SESTD1: variants seen among roughly 807,000 people sequenced by gnomAD.
SESTD1 encodes the protein SEC14 domain and spectrin repeat-containing protein 1.
A neutral mutation model predicts 101.7 loss-of-function variants in SESTD1; 43 were observed. The observed-to-expected ratio is 0.42, with a 90% CI of 0.33 to 0.55. The LOEUF is 0.55. Among genes scored for constraint, SESTD1 ranks in the 20% least tolerant of loss-of-function variants. The pLI is 0.07. For missense variants in SESTD1, 647 were observed against 815.1 expected, an observed-to-expected ratio of 0.79 and a Z score of 2.51; for synonymous variants, 283 against 286.8, an observed-to-expected ratio of 0.99 and a Z score of 0.13.
chr2:179,189,941 T>C, intron 2 of SESTD1, among the ~76,000 whole-genome samples: 1 of 151,864 alleles, frequency 6.6e-6, no homozygotes, highest in Non-Finnish European at 1.5e-5. Context: ...GGAAAAACAT[T>C]CCATCGTCAT....
intron 1 of SESTD1, among the ~76,000 whole-genome samples, chr2:179,255,914 C>T (rs1398456518): frequency 1.3e-5 from 2 of 152,136 alleles, no homozygotes; most frequent in Non-Finnish European, 2.9e-5. Flanking sequence ...GAAATCTACT[C>T]AGTCTGTTCT....
intron 1 of SESTD1, among the ~76,000 whole-genome samples, chr2:179,238,796 G>T (rs1418729505): frequency 6.6e-6 from 1 of 151,980 alleles, no homozygotes; most frequent in Admixed American, 6.5e-5. Flanking sequence ...AAAGTTAATT[G>T]AATTCTTATC....
intron 2 of SESTD1, among the ~76,000 whole-genome samples, chr2:179,184,895 T>A (rs2046184102): frequency 6.6e-6 from 1 of 151,982 alleles, no homozygotes; most frequent in Non-Finnish European, 1.5e-5. Context: ...TCAGGGACAA[T>A]AAAATAATCA....
intron 1 of SESTD1, among the ~76,000 whole-genome samples, chr2:179,229,010 A>G (rs1241857174): frequency 3.2e-4 from 49 of 152,310 alleles, no homozygotes; most frequent in Middle Eastern, 3.4e-3. Flanking sequence ...ATCCTCAAGA[A>G]GACCACTCAT....
intron 6 of SESTD1, among the ~76,000 whole-genome samples, chr2:179,150,213 G>A (rs1311186285): frequency 6.6e-6 from 1 of 152,140 alleles, no homozygotes; most frequent in African/African-American, 2.4e-5. Context: ...GTGAGACCCT[G>A]TCTCTAAATA....
intron 15 of SESTD1, 39 bp from the exon 16 acceptor site, chr2:179,115,295 A>G: frequency 6.8e-7 from 1 of 1,474,042 alleles, no homozygotes; most frequent in East Asian, 2.4e-5. Flanking sequence ...TAATAAAAGA[A>G]TTCTTAAGAG....
At position 179,118,200 on chromosome 2, in the gene SESTD1, G is replaced by C. The variant is rs1032477328; in HGVS notation, c.1443-587C>G. Among the ~76,000 whole-genome samples, 7 of 152,082 alleles carry C rather than the reference G, an allele frequency of 4.6e-5. No homozygotes were observed. In the South Asian group the frequency reaches 8.3e-4, roughly 18 times the overall value. ...AGTACCTAAAATAATATTTAATTCT[G>C]ATTTTTTTTAAAACCCTCCATCTAC... On this transcript the variant is annotated intron_variant, in intron 13 of 17. Transcript: ENST00000428443.
chr2:179,206,349 GAA>G (rs2046591118), intron 1 of SESTD1, among the ~76,000 whole-genome samples: 1 of 136,478 alleles, frequency 7.3e-6, no homozygotes, highest in Non-Finnish European at 1.6e-5. Context: ...GTGAGAGGGG[GAA>G]AAGTCAGCCT....
At chr2:179,196,072 A>G (rs1176145027) in intron 1 of SESTD1, among the ~76,000 whole-genome samples, 2 of 152,204 alleles carry the variant, frequency 1.3e-5, no homozygotes, top group Non-Finnish European at 2.9e-5. Flanking sequence ...GGAAGGCCAG[A>G]CAGTGGGCGC....
intron 1 of SESTD1, among the ~76,000 whole-genome samples, chr2:179,233,767 T>C (rs1184230185): frequency 6.6e-6 from 1 of 152,226 alleles, no homozygotes; most frequent in African/African-American, 2.4e-5. Flanking sequence ...TCATAGTTTT[T>C]ATACAGAGAT....
intron 5 of SESTD1, 124 bp downstream of exon 5, chr2:179,171,982 ATACTAATTATTACT>A: frequency 2.1e-6 from 1 of 486,806 alleles, no homozygotes. Flanking sequence ...TGCTGACCAT[ATACTAATTATTACT>A]TAGGCACTAA....
At chr2:179,163,956 C>G (rs2105465774) in intron 5 of SESTD1, among the ~76,000 whole-genome samples, 1 of 152,194 alleles carries the variant, frequency 6.6e-6, no homozygotes, top group South Asian at 2.1e-4. Context: ...TAAAACATTC[C>G]CCAAAAACCT....
intron 1 of SESTD1, among the ~76,000 whole-genome samples, chr2:179,261,274 A>T (rs1484529873): frequency 6.6e-6 from 1 of 152,004 alleles, no homozygotes; most frequent in African/African-American, 2.4e-5. Flanking sequence ...GTTTGGTTTG[A>T]TTTTTTTTAT....
At chr2:179,162,084 C>T (rs1225086453) in intron 5 of SESTD1, among the ~76,000 whole-genome samples, 1 of 152,048 alleles carries the variant, frequency 6.6e-6, no homozygotes, top group Non-Finnish European at 1.5e-5. Flanking sequence ...TTATCAGTGA[C>T]TCTTATGGTT....
At chr2:179,183,893 C>T (rs919740746) in intron 2 of SESTD1, among the ~76,000 whole-genome samples, 5 of 129,624 alleles carry the variant, frequency 3.9e-5, no homozygotes, top group Non-Finnish European at 8.0e-5. Flanking sequence ...AGGGAGGAAA[C>T]GAGGAAGGGA....
chr2:179,106,764 A>G lies in SESTD1; in HGVS notation c.*3135T>C. The G allele has an allele frequency of 6.6e-6, 1 of 152,134 alleles. No homozygotes were observed. Among genetic ancestry groups the G allele is most frequent in the South Asian group, 2.1e-4 (1 of 4,834 alleles). 9.4% of individuals were successfully genotyped at this position (152,134 alleles called of 1,614,324 possible). A position where few individuals can be genotyped will look rare whatever the true frequency, so the allele number is the denominator to read the frequency against. ...CTGAGCAGTTTCATCAACATCACCA[A>G]TGAGTCACCAGAACTGAACAAAGTG... On this transcript the variant is annotated 3_prime_UTR_variant, in exon 18 of 18. Transcript: ENST00000428443.
chr2:179,217,674 T>C (rs2046744817), intron 1 of SESTD1, among the ~76,000 whole-genome samples: 2 of 152,188 alleles, frequency 1.3e-5, no homozygotes, highest in Admixed American at 6.5e-5. Flanking sequence ...TAAAGACACA[T>C]GCACACGTAT....
intron 2 of SESTD1, among the ~76,000 whole-genome samples, chr2:179,187,290 A>G (rs78825982): frequency 0.011 from 1,692 of 152,296 alleles, 32 homozygotes; most frequent in African/African-American, 0.039. Flanking sequence ...TAAAAGGTCT[A>G]ACACCCCACT....
intron 1 of SESTD1, among the ~76,000 whole-genome samples, chr2:179,242,256 C>T (rs1212427559): frequency 6.6e-6 from 1 of 152,078 alleles, no homozygotes; most frequent in Non-Finnish European, 1.5e-5. Context: ...AGGAATACAT[C>T]TAACCAAGGA....
Sources: allele counts gnomAD v4.1 joint callset (sites outside exome capture counted in the v4.1 genomes callset), GRCh38; gene constraint gnomAD v4.1.1; transcripts MANE v1.5; gene names NCBI Gene and HGNC (gene_info 2026-07-23, HGNC 2026-07-21).